Variants in ZNF331 observed in about 807,000 individuals in gnomAD.
ZNF331 encodes C2H2-like zinc finger protein rearranged in thyroid adenomas.
In ZNF331, 2 loss-of-function variants were observed where a neutral mutation model predicts 7.0. The ratio of observed to expected loss-of-function variants is 0.29; its 90% CI spans 0.12 to 0.90. The LOEUF is 0.90. Among genes scored for constraint, ZNF331 ranks in the 40% least tolerant of loss-of-function variants. ZNF331 has a pLI of 0.58. For missense variants in ZNF331, 432 were observed against 587.7 expected, an observed-to-expected ratio of 0.74 and a Z score of 2.74; for synonymous variants, 196 against 205.4, an observed-to-expected ratio of 0.95 and a Z score of 0.39.
chr19:53,527,136 A>C (rs2087333236), intron 2 of ZNF331, among the ~76,000 whole-genome samples: 1 of 151,984 alleles, frequency 6.6e-6, no homozygotes, highest in South Asian at 2.1e-4. Flanking sequence ...TTGCAGTGAG[A>C]GCCGAGATTG....
At position 53,571,526 on chromosome 19, in the gene ZNF331, A is replaced by G; in HGVS notation, c.10-78A>G. 2 of 1,575,554 alleles carry G rather than the reference A, an allele frequency of 1.3e-6. No homozygotes were observed. Among genetic ancestry groups the G allele is most frequent in the Non-Finnish European group, 1.7e-6 (2 of 1,159,694 alleles). ...TCTGCTCACGGTGTTCACCCTACCC[A>G]GAGGGTGGCCTCCTGTCTCCTTCAT... On this transcript the variant is annotated intron_variant, in intron 4 of 5. Transcript: ENST00000449416. This position sits in a 1 kb window ranked among gnomAD's most constrained non-coding sequence, Gnocchi z 4.7.
chr19:53,559,820 A>G (rs1229334025), intron 3 of ZNF331, among the ~76,000 whole-genome samples: 2 of 151,316 alleles, frequency 1.3e-5, no homozygotes, highest in Non-Finnish European at 2.9e-5. Flanking sequence ...ACACACCATA[A>G]CACACGTATA....
chr19:53,562,007 G>C (rs1003667088), intron 3 of ZNF331, among the ~76,000 whole-genome samples: 5 of 152,072 alleles, frequency 3.3e-5, no homozygotes, highest in African/African-American at 1.2e-4. Context: ...AATTAGGCAG[G>C]CGTGGTGGCG....
In ZNF331 at chr19:53,577,189, C is replaced by T; in HGVS notation, c.629C>T (p.Thr210Ile). 1 of 1,613,560 alleles carries T rather than the reference C, an allele frequency of 6.2e-7. No individual in the cohort carries two copies. The highest frequency in any genetic ancestry group is 8.5e-7 in the Non-Finnish European group (1 of 1,179,914). Residue 210 changes from threonine to isoleucine, a missense_variant, in exon 6 of 6, where the codon ACT becomes ATT. This residue lies in a region of ZNF331 where 312 missense variants were observed against 448.6 expected (regional missense o/e 0.70). Coordinates refer to ENST00000449416, the MANE Select transcript of ZNF331 (RefSeq NM_001079906.2). The part of the protein sequence containing the change: ...SSLVIHKRIH[T>I]GEKPYECKDC... Reference sequence around the variant, plus strand: ...CTCGTTATTCATAAGAGGATTCATACTGGTGAAAAACCCTATGAATGTAAA... The same window carrying T: ...CTCGTTATTCATAAGAGGATTCATATTGGTGAAAAACCCTATGAATGTAAA...
chr19:53,570,554 C>T lies in ZNF331; in HGVS notation c.10-1050C>T, dbSNP rs147830674. Among the ~76,000 whole-genome samples the T allele has an allele frequency of 5.5e-3, 828 of 151,516 alleles. 4 individuals carry two copies. Among genetic ancestry groups the T allele is most frequent in the Middle Eastern group, 0.034 (10 of 294 alleles). On this transcript the variant is annotated intron_variant, in intron 4 of 5. Transcript: ENST00000449416. ...TATTTTCTTTTTTTTTTTCTTGGGA[C>T]GGAGTTTCACTCTTGTTGCCCAGGC... is the stretch of plus-strand genomic sequence containing the variant.
At chr19:53,543,801 G>A (rs1415814112) in intron 2 of ZNF331, among the ~76,000 whole-genome samples, 1 of 152,148 alleles carries the variant, frequency 6.6e-6, no homozygotes, top group Non-Finnish European at 1.5e-5. Context: ...ACACTATGAG[G>A]CTAACTGCCA....
intron 2 of ZNF331, among the ~76,000 whole-genome samples, chr19:53,541,041 T>C (rs2088127232): frequency 6.6e-6 from 1 of 152,182 alleles, no homozygotes; most frequent in Non-Finnish European, 1.5e-5. Context: ...AATATCATCA[T>C]AGGTGCCAGC....
At chr19:53,505,548 C>T in the ZNF331 span, among the ~76,000 whole-genome samples, 5 of 152,110 alleles carry the variant, frequency 3.3e-5, no homozygotes, top group Non-Finnish European at 2.9e-5. Flanking sequence ...CACCAACGTA[C>T]GTGGATTCCA....
chr19:53,560,866 G>A lies in ZNF331; in HGVS notation c.-74+4958G>A, dbSNP rs1325394350. Among the ~76,000 whole-genome samples, 5 of 152,162 alleles carry A rather than the reference G, an allele frequency of 3.3e-5. No individual in the cohort carries two copies. Among genetic ancestry groups the A allele is most frequent in the Admixed American group, 6.6e-5 (1 of 15,266 alleles). Reference sequence around the variant, plus strand: ...AATCTTCCGTATGTTAGAGGCAGCCGATTAGCCATTTTAAGTCCATCTGCA... The same window carrying A: ...AATCTTCCGTATGTTAGAGGCAGCCAATTAGCCATTTTAAGTCCATCTGCA... On this transcript the variant is annotated intron_variant, in intron 3 of 5. Transcript: ENST00000449416. The surrounding 1 kb of genome is among the most constrained non-coding windows in gnomAD (Gnocchi z 4.3).
intron 2 of ZNF331, among the ~76,000 whole-genome samples, chr19:53,552,513 A>T (rs1108913): frequency 0.74 from 112,176 of 151,410 alleles, 42,420 homozygotes; most frequent in African/African-American, 0.9. Context: ...AGCTCAGGAG[A>T]TCAAGGCCAG....
intron 2 of ZNF331, among the ~76,000 whole-genome samples, chr19:53,546,488 T>A (rs534313649): frequency 1.5e-4 from 22 of 151,428 alleles, no homozygotes; most frequent in African/African-American, 3.6e-4. Flanking sequence ...ATTGTTGACA[T>A]CCTGCTGTGT....
At position 53,570,070 on chromosome 19, in the gene ZNF331, A is replaced by G. The variant is rs551928754; in HGVS notation, c.9+685A>G. On this transcript the variant is annotated intron_variant, in intron 4 of 5. Transcript: ENST00000449416. ...CAGGAGTTCAAAACCAACCTGACCA[A>G]CATGGTAAAACCTCATCTGTACTAA... 3.9e-5 allele frequency among the ~76,000 whole-genome samples: 6 copies of G among 152,212 alleles called. No individual in the cohort carries two copies. The South Asian group carries it at 8.3e-4, about 21-fold the overall frequency.
chr19:53,545,165 T>A (rs890219097), intron 2 of ZNF331, among the ~76,000 whole-genome samples: 44 of 152,200 alleles, frequency 2.9e-4, no homozygotes, highest in Non-Finnish European at 4.1e-4. Context: ...TAGAAAAAAA[T>A]TTTTCTTGAT....
chr19:53,537,589 A>C (rs2087813619), upstream of ZNF331: 1 of 152,390 alleles, frequency 6.6e-6, no homozygotes, highest in Non-Finnish European at 1.5e-5. Context: ...ACGCGCCCTG[A>C]GGCCCCTGCC....
Position 53,539,632 on chromosome 19 carries a change from C to G in ZNF331, c.-138+350C>G, listed in dbSNP as rs1377509266. The G allele has an allele frequency of 6.6e-6, 1 of 152,156 alleles. No homozygotes were observed. The highest frequency in any genetic ancestry group is 2.4e-5 in the African/African-American group (1 of 41,442). The allele number at this position is 152,156 out of a possible 1,614,324, so 9.4% of individuals were successfully genotyped here. On this transcript the variant is annotated intron_variant, in intron 2 of 5. Transcript: ENST00000449416. The surrounding 1 kb of genome is among the most constrained non-coding windows in gnomAD (Gnocchi z 6.1). Reference sequence around the variant, plus strand: ...CTGTTATCCTTAACCTGAGGGCCTGCCTTTAACTCCACTTACAACTTTCCA... The same window carrying G: ...CTGTTATCCTTAACCTGAGGGCCTGGCTTTAACTCCACTTACAACTTTCCA...
intron 2 of ZNF331, among the ~76,000 whole-genome samples, chr19:53,526,972 C>T (rs12985121): frequency 0.32 from 48,361 of 151,200 alleles, 7,887 homozygotes; most frequent in Middle Eastern, 0.42. Context: ...AGGCGGATCA[C>T]GAGGTCAGGA....
At position 53,560,619 on chromosome 19, in the gene ZNF331, C is replaced by A. The variant is rs1476429708; in HGVS notation, c.-74+4711C>A. Among the ~76,000 whole-genome samples the A allele has an allele frequency of 6.6e-6, 1 of 152,150 alleles. No individual in the cohort carries two copies. Among genetic ancestry groups the A allele is most frequent in the Non-Finnish European group, 1.5e-5 (1 of 68,026 alleles). ...TAGAGGTCAGAAGTCTGAAGTGGGT[C>A]TCACCGGGCTAAAACCAGGTTGTTG... is the stretch of plus-strand genomic sequence containing the variant. On this transcript the variant is annotated intron_variant, in intron 3 of 5. Coordinates refer to ENST00000449416, the MANE Select transcript of ZNF331 (RefSeq NM_001079906.2). The surrounding 1 kb of genome is among the most constrained non-coding windows in gnomAD (Gnocchi z 4.3).
At chr19:53,503,467 T>C in the ZNF331 span, 3 of 651,460 alleles carry the variant, frequency 4.6e-6, no homozygotes, top group Non-Finnish European at 8.3e-6. Context: ...ATTTCTCTCT[T>C]ATTTACCATT....
upstream of ZNF331, among the ~76,000 whole-genome samples, chr19:53,519,818 G>A (rs1212514737): frequency 6.6e-6 from 1 of 152,126 alleles, no homozygotes; most frequent in Non-Finnish European, 1.5e-5. Flanking sequence ...CACATGCCTG[G>A]AGCTCCCCAA....
Sources: allele counts gnomAD v4.1 joint callset (sites outside exome capture counted in the v4.1 genomes callset), GRCh38; gene constraint gnomAD v4.1.1; regional missense constraint gnomAD v4.1.1; non-coding constraint Gnocchi (gnomAD v3.1); transcripts MANE v1.5; gene names NCBI Gene and HGNC (gene_info 2026-07-23, HGNC 2026-07-21).